Variants in IDH2 observed in about 807,000 individuals in gnomAD.
IDH2 encodes isocitrate dehydrogenase [NADP], mitochondrial.
A neutral mutation model predicts 50.5 loss-of-function variants in IDH2; 18 were observed. That is an observed-to-expected ratio of 0.36 (90% confidence interval 0.25 to 0.53). The LOEUF (loss-of-function observed/expected upper bound fraction) is 0.53, where lower values mean the gene tolerates loss of function less well. IDH2 is among the 20% of genes least tolerant of loss of function. The pLI is 0.92. For synonymous variants in IDH2, 280 were observed against 239.8 expected (o/e 1.17, Z -1.55); for missense variants, 518 against 610.7 (o/e 0.85, Z 1.60).
intron 1 of IDH2, among the ~76,000 whole-genome samples, chr15:90,095,306 C>T (rs1053103622): frequency 6.6e-6 from 1 of 151,982 alleles, no homozygotes; most frequent in Admixed American, 6.6e-5. Context: ...TCCCAAGACG[C>T]GATGGGGATT....
chr15:90,088,108 CTTTTT>C (rs372285349), intron 5 of IDH2, among the ~76,000 whole-genome samples: 146 of 152,070 alleles, frequency 9.6e-4, no homozygotes, highest in African/African-American at 3.2e-3. Context: ...CTTTTCTTTT[CTTTTT>C]GTTTCAAGAG....
At chr15:90,095,419 G>A (rs1304820510) in intron 1 of IDH2, among the ~76,000 whole-genome samples, 2 of 151,082 alleles carry the variant, frequency 1.3e-5, no homozygotes, top group Non-Finnish European at 2.9e-5. Context: ...AGCTAGTTTA[G>A]TTCTGGGGAG....
intron 1 of IDH2, among the ~76,000 whole-genome samples, chr15:90,097,152 C>T (rs553509393): frequency 1.7e-4 from 26 of 152,276 alleles, no homozygotes; most frequent in East Asian, 3.9e-4. Context: ...ATTTCCATGA[C>T]GTCAGTTACC....
At chr15:90,091,188 G>A (rs547991271) in intron 2 of IDH2, among the ~76,000 whole-genome samples, 2 of 152,292 alleles carry the variant, frequency 1.3e-5, no homozygotes, top group South Asian at 4.1e-4. Context: ...TGCAGGCTGG[G>A]TCACTGCCCT....
At chr15:90,090,398 A>G (rs1245346860) in intron 3 of IDH2, 81 bp downstream of exon 3, 1 of 1,495,206 alleles carries the variant, frequency 6.7e-7, no homozygotes, top group African/African-American at 1.4e-5. Context: ...GACATGGCCA[A>G]CTGCCCCACC....
chr15:90,088,889 G>A (rs903452140), intron 3 of IDH2, 142 bp from the exon 4 acceptor site: 8 of 767,162 alleles, frequency 1.0e-5, no homozygotes, highest in South Asian at 6.4e-5. Flanking sequence ...CAAATGTGTG[G>A]GCTCTGGAGT....
At position 90,098,740 on chromosome 15, in the gene IDH2, C is replaced by T. The variant is rs1036416545; in HGVS notation, c.115+3536G>A. On this transcript the variant is annotated intron_variant, in intron 1 of 10. Transcript: ENST00000330062. This position sits in a 1 kb window ranked among gnomAD's most constrained non-coding sequence, Gnocchi z 5.1. ...TGTATTTTTAGTAGAGACCGGGTTT[C>T]ACCATGGTGGCCAGGCAGGTCTCGA... 1.3e-5 allele frequency among the ~76,000 whole-genome samples: 2 copies of T among 152,154 alleles called. No individual in the cohort carries two copies. The highest frequency in any genetic ancestry group is 2.9e-5 in the Non-Finnish European group (2 of 68,018).
chr15:90,087,329 A>T (rs1900886180), intron 6 of IDH2, 66 bp from the exon 7 acceptor site: 1 of 1,611,610 alleles, frequency 6.2e-7, no homozygotes, highest in Admixed American at 1.7e-5. Flanking sequence ...TCCCTCCCTG[A>T]GCCTCGGAGC....
At chr15:90,095,090 A>G (rs979627928) in intron 1 of IDH2, among the ~76,000 whole-genome samples, 37 of 152,172 alleles carry the variant, frequency 2.4e-4, no homozygotes, top group African/African-American at 8.7e-4. Flanking sequence ...TAATCTAAAA[A>G]TAATCTTAGA....
chr15:90,088,976 G>A (rs577806924), intron 3 of IDH2, among the ~76,000 whole-genome samples: 28 of 145,696 alleles, frequency 1.9e-4, no homozygotes, highest in African/African-American at 4.1e-4. Flanking sequence ...GTGCAATGGC[G>A]CGATCTCGGC....
At chr15:90,101,536 CG>C (rs1195199349) in intron 1 of IDH2, among the ~76,000 whole-genome samples, 1 of 152,066 alleles carries the variant, frequency 6.6e-6, no homozygotes, top group Non-Finnish European at 1.5e-5. Context: ...GCCGTGGGAA[CG>C]ATTCCGCAAA....
intron 3 of IDH2, 83 bp downstream of exon 3, chr15:90,090,396 C>A: frequency 2.0e-6 from 3 of 1,481,692 alleles, no homozygotes; most frequent in Non-Finnish European, 2.8e-6. Flanking sequence ...GTGACATGGC[C>A]AACTGCCCCA....
intron 3 of IDH2, 79 bp from the exon 4 acceptor site, chr15:90,088,826 G>T: frequency 1.3e-6 from 2 of 1,489,364 alleles, no homozygotes; most frequent in Non-Finnish European, 9.3e-7. Flanking sequence ...CAACAACACA[G>T]CCAGACGGGG....
Position 90,100,714 on chromosome 15 carries a change from A to T in IDH2, c.115+1562T>A. ...TTTCCTTGTCATCAAGGGGAATGCCAAGTATTCTGTCTCCAGCTGCGTTGC... is the reference window on the plus strand; with the variant it reads ...TTTCCTTGTCATCAAGGGGAATGCCTAGTATTCTGTCTCCAGCTGCGTTGC... On this transcript the variant is annotated intron_variant, in intron 1 of 10. Transcript: ENST00000330062. The surrounding 1 kb of genome is among the most constrained non-coding windows in gnomAD (Gnocchi z 4.1). 2 of 917,488 alleles carry T rather than the reference A, an allele frequency of 2.2e-6. No individual in the cohort carries two copies. Among genetic ancestry groups the T allele is most frequent in the Non-Finnish European group, 2.6e-6 (2 of 767,840 alleles). 56.8% of individuals were successfully genotyped at this position (917,488 alleles called of 1,614,324 possible).
intron 1 of IDH2, among the ~76,000 whole-genome samples, chr15:90,099,283 C>CTTCG (rs1901268026): frequency 6.6e-6 from 1 of 152,198 alleles, no homozygotes; most frequent in South Asian, 2.1e-4. Context: ...CTGAGCCAGC[C>CTTCG]TTCGCACCAT....
intron 1 of IDH2, among the ~76,000 whole-genome samples, chr15:90,099,394 A>G (rs1361536740): frequency 2.6e-5 from 4 of 152,128 alleles, no homozygotes; most frequent in African/African-American, 9.7e-5. Flanking sequence ...TCCTTCAGTG[A>G]GGACTTTTCT....
At chr15:90,089,134 G>T (rs564464660) in intron 3 of IDH2, among the ~76,000 whole-genome samples, 4 of 151,828 alleles carry the variant, frequency 2.6e-5, no homozygotes, top group African/African-American at 4.8e-5. Flanking sequence ...GGCTGGTCTC[G>T]ACCTCCCAAC....
chr15:90,096,989 A>G (rs1596080089), intron 1 of IDH2, among the ~76,000 whole-genome samples: 1 of 152,348 alleles, frequency 6.6e-6, no homozygotes, highest in East Asian at 1.9e-4. Context: ...TATACATCCA[A>G]AAATATCGAA....
chr15:90,088,261 TAAGA>T, intron 5 of IDH2, 94 bp downstream of exon 5: 4 of 1,493,250 alleles, frequency 2.7e-6, no homozygotes, highest in Non-Finnish European at 2.8e-6. Flanking sequence ...CTTTGTGGCC[TAAGA>T]ATGAGGCCAT....
Sources: allele counts gnomAD v4.1 joint callset (sites outside exome capture counted in the v4.1 genomes callset), GRCh38; gene constraint gnomAD v4.1.1; non-coding constraint Gnocchi (gnomAD v3.1); transcripts MANE v1.5; gene names NCBI Gene and HGNC (gene_info 2026-07-23, HGNC 2026-07-21).